ECHDC1: variants seen among roughly 807,000 people sequenced by gnomAD.
ECHDC1 encodes the protein ethylmalonyl-CoA decarboxylase 1, also known as ethylmalonyl-CoA decarboxylase.
ECHDC1 carries 29 observed loss-of-function variants against 29.7 expected under a neutral mutation model. The observed-to-expected ratio is 0.98, with a 90% CI of 0.73 to 1.33. ECHDC1 has a LOEUF of 1.33. ECHDC1 is among the 40% of genes most tolerant of loss of function. The pLI is 0.00. For missense variants in ECHDC1, 328 were observed against 350.0 expected, an observed-to-expected ratio of 0.94 and a Z score of 0.50; for synonymous variants, 126 against 123.1, an observed-to-expected ratio of 1.02 and a Z score of -0.15.
chr6:127,311,698 AG>A (rs1428300592), intron 5 of ECHDC1, among the ~76,000 whole-genome samples: 45 of 87,852 alleles, frequency 5.1e-4, no homozygotes, highest in African/African-American at 1.1e-3. Context: ...AAAAAAAAAA[AG>A]AAAAGAAAAA....
chr6:127,329,745 T>C (rs180721591), intron 2 of ECHDC1: 109 of 307,358 alleles, frequency 3.5e-4, no homozygotes, highest in Admixed American at 7.2e-4. Flanking sequence ...AAGTGAATTG[T>C]TAAACTTAAT....
intron 2 of ECHDC1, chr6:127,329,884 TG>T: frequency 2.2e-6 from 1 of 455,458 alleles, no homozygotes; most frequent in Non-Finnish European, 4.4e-6. Flanking sequence ...CTCTGAATTC[TG>T]GTAAGTGGAG....
intron 3 of ECHDC1, among the ~76,000 whole-genome samples, chr6:127,324,973 T>C (rs995274310): frequency 1.3e-5 from 2 of 152,198 alleles, no homozygotes; most frequent in African/African-American, 4.8e-5. Flanking sequence ...CCCTTGAGTG[T>C]AGACTAAACT....
intron 1 of ECHDC1, among the ~76,000 whole-genome samples, chr6:127,335,653 A>G (rs1219260166): frequency 6.6e-6 from 1 of 152,044 alleles, no homozygotes; most frequent in Non-Finnish European, 1.5e-5. Context: ...AGTTGCCAGC[A>G]GCTATGGTTA....
intron 1 of ECHDC1, among the ~76,000 whole-genome samples, chr6:127,340,061 T>C (rs969992484): frequency 6.6e-6 from 1 of 152,232 alleles, no homozygotes; most frequent in African/African-American, 2.4e-5. Flanking sequence ...TAATCTCTAT[T>C]GGATCACTAA....
chr6:127,296,565 A>G (rs747338396), intron 5 of ECHDC1, among the ~76,000 whole-genome samples: 1 of 152,202 alleles, frequency 6.6e-6, no homozygotes, highest in Non-Finnish European at 1.5e-5. Flanking sequence ...CTTCACAGAT[A>G]ATGACATTAT....
chr6:127,335,427 CA>C (rs1265920182), intron 1 of ECHDC1, among the ~76,000 whole-genome samples: 1 of 151,668 alleles, frequency 6.6e-6, no homozygotes, highest in Non-Finnish European at 1.5e-5. Flanking sequence ...TAGAGTGTGA[CA>C]AAAAAAGTAG....
At chr6:127,328,699 A>T (rs145830662) in intron 2 of ECHDC1, among the ~76,000 whole-genome samples, 18 of 152,218 alleles carry the variant, frequency 1.2e-4, no homozygotes, top group African/African-American at 4.3e-4. Flanking sequence ...TGTATAGGTT[A>T]ATATGGGCCT....
chr6:127,342,463 T>A (rs1785035693), intron 1 of ECHDC1: 2 of 1,364,536 alleles, frequency 1.5e-6, no homozygotes, highest in South Asian at 1.5e-5. Flanking sequence ...CAGAACCCAA[T>A]AAAAAATCAA....
At chr6:127,320,866 G>A (rs951244562) in intron 3 of ECHDC1, among the ~76,000 whole-genome samples, 1 of 151,620 alleles carries the variant, frequency 6.6e-6, no homozygotes, top group African/African-American at 2.4e-5. Context: ...ACCAAGACGC[G>A]ATCAACTTCT....
chr6:127,315,874 G>A lies in ECHDC1; in HGVS notation c.416+576C>T, dbSNP rs1037192921. ...CATAATTTTAAATTTGTCTACATTCGGAATGTGAAAGTAGAAAGCTAATCA... is the reference window on the plus strand; with the variant it reads ...CATAATTTTAAATTTGTCTACATTCAGAATGTGAAAGTAGAAAGCTAATCA... On this transcript the variant is annotated intron_variant, in intron 4 of 5. Transcript: ENST00000454859. The A allele has an allele frequency of 2.7e-5, 12 of 442,690 alleles. No homozygotes were observed. The East Asian group carries it at 2.8e-4, about 10-fold the overall frequency. The allele number at this position is 442,690 out of a possible 1,614,324, so 27.4% of individuals were successfully genotyped here.
At chr6:127,323,835 A>G (rs1411192212) in intron 3 of ECHDC1, among the ~76,000 whole-genome samples, 1 of 151,980 alleles carries the variant, frequency 6.6e-6, no homozygotes. Flanking sequence ...AAGATGTGGT[A>G]GAGGGGGAAG....
At chr6:127,311,173 C>A (rs949471659) in intron 5 of ECHDC1, among the ~76,000 whole-genome samples, 2 of 151,980 alleles carry the variant, frequency 1.3e-5, no homozygotes, top group African/African-American at 4.8e-5. Context: ...TATGCCTGTA[C>A]CAAGATGGCA....
At chr6:127,327,409 G>T (rs1783449792) in intron 2 of ECHDC1, among the ~76,000 whole-genome samples, 2 of 152,112 alleles carry the variant, frequency 1.3e-5, no homozygotes, top group African/African-American at 4.8e-5. Flanking sequence ...TGATTATGTA[G>T]AAGAATAAGA....
At chr6:127,290,418 G>T (rs1241706268) in intron 5 of ECHDC1, 141 bp from the exon 6 acceptor site, 2 of 826,512 alleles carry the variant, frequency 2.4e-6, no homozygotes, top group Non-Finnish European at 3.5e-6. Context: ...GAAAAATATG[G>T]CTGTTTCATC....
At chr6:127,317,671 G>A (rs938183933) in intron 3 of ECHDC1, among the ~76,000 whole-genome samples, 25 of 152,184 alleles carry the variant, frequency 1.6e-4, no homozygotes, top group African/African-American at 5.5e-4. Flanking sequence ...AGAGTTCTGA[G>A]CTAGCGGTCA....
chr6:127,335,715 T>G (rs1386412292), intron 1 of ECHDC1, among the ~76,000 whole-genome samples: 3 of 152,112 alleles, frequency 2.0e-5, no homozygotes, highest in Non-Finnish European at 4.4e-5. Flanking sequence ...GAATTGTGAT[T>G]AATAAGGTTT....
At chr6:127,340,746 T>G (rs1428674219) in intron 1 of ECHDC1, among the ~76,000 whole-genome samples, 1 of 151,988 alleles carries the variant, frequency 6.6e-6, no homozygotes, top group Non-Finnish European at 1.5e-5. Flanking sequence ...TTAAAAGTTT[T>G]TTTTTTTTTT....
intron 1 of ECHDC1, among the ~76,000 whole-genome samples, chr6:127,334,103 T>A (rs10457491): frequency 0.17 from 25,739 of 152,122 alleles, 2,340 homozygotes; most frequent in Non-Finnish European, 0.18. Context: ...GACATGAATC[T>A]CACATTTCTA....
Sources: gnomAD v4.1 joint callset for allele counts (sites outside exome capture counted in the v4.1 genomes callset) on GRCh38, gnomAD v4.1.1 for gene constraint, MANE v1.5 for transcripts, NCBI Gene and HGNC (gene_info 2026-07-23, HGNC 2026-07-21) for gene names.